The following ZC2HC1A variants were observed in gnomAD, a reference collection of about 807,000 sequenced individuals.
The protein encoded by ZC2HC1A is zinc finger C2HC-type containing 1A, also known as zinc finger C2HC domain-containing protein 1A.
In ZC2HC1A, 28 loss-of-function variants were observed where a neutral mutation model predicts 40.7. The observed-to-expected ratio is 0.69, with a 90% CI of 0.51 to 0.94. The LOEUF is 0.94. Among genes scored for constraint, ZC2HC1A ranks in the 40% least tolerant of loss-of-function variants. The pLI is 0.00. For synonymous variants in ZC2HC1A, 129 were observed against 129.2 expected (o/e 1.00, Z 0.01); for missense variants, 389 against 386.3 (o/e 1.01, Z -0.06).
chr8:78,687,582 G>A (rs959954433), intron 4 of ZC2HC1A, among the ~76,000 whole-genome samples: 7 of 131,296 alleles, frequency 5.3e-5, no homozygotes, highest in South Asian at 2.3e-4. Context: ...ATATATTTAC[G>A]TAATAAATTA....
intron 1 of ZC2HC1A, among the ~76,000 whole-genome samples, chr8:78,668,176 C>G (rs1176847547): frequency 2.0e-5 from 3 of 152,054 alleles, no homozygotes; most frequent in African/African-American, 7.2e-5. Context: ...CCTCTCCCTC[C>G]CCTAAGAGAT....
intron 3 of ZC2HC1A, 122 bp downstream of exon 3, chr8:78,678,801 A>G (rs1809669224): frequency 5.4e-6 from 3 of 558,308 alleles, no homozygotes; most frequent in South Asian, 8.5e-5. Context: ...AGATTAAAGA[A>G]TAAATACAAT....
intron 3 of ZC2HC1A, among the ~76,000 whole-genome samples, chr8:78,682,383 A>G (rs950463470): frequency 6.7e-6 from 1 of 149,524 alleles, no homozygotes; most frequent in Non-Finnish European, 1.5e-5. Context: ...AGGGACTTAA[A>G]CTTCCATGTG....
intron 1 of ZC2HC1A, among the ~76,000 whole-genome samples, chr8:78,671,401 G>C (rs1247357524): frequency 6.6e-6 from 1 of 152,114 alleles, no homozygotes; most frequent in Non-Finnish European, 1.5e-5. Context: ...TATTTCAACA[G>C]TATTTGCTCT....
chr8:78,697,347 T>C, intron 5 of ZC2HC1A, 60 bp from the exon 6 acceptor site: 1 of 1,350,308 alleles, frequency 7.4e-7, no homozygotes, highest in Non-Finnish European at 1.0e-6. Context: ...TTTGAACCAC[T>C]ACTTTACAAT....
intron 3 of ZC2HC1A, among the ~76,000 whole-genome samples, chr8:78,685,132 A>G (rs1183221231): frequency 6.6e-6 from 1 of 152,200 alleles, no homozygotes; most frequent in Non-Finnish European, 1.5e-5. Flanking sequence ...GGAATGGAAG[A>G]GAAAGTTCAG....
At chr8:78,700,053 A>G (rs575538673) in intron 7 of ZC2HC1A, among the ~76,000 whole-genome samples, 61 of 152,308 alleles carry the variant, frequency 4.0e-4, no homozygotes, top group Admixed American at 9.8e-4. Context: ...TGTCTTTCAC[A>G]GTGGCTGAAG....
intron 8 of ZC2HC1A, 21 bp from the exon 9 acceptor site, chr8:78,717,307 A>AC (rs1192276243): frequency 6.3e-7 from 1 of 1,596,854 alleles, no homozygotes; most frequent in African/African-American, 1.4e-5. Context: ...TTATCTTTTC[A>AC]TTGTTTCTTT....
intron 5 of ZC2HC1A, among the ~76,000 whole-genome samples, chr8:78,695,975 A>T (rs934380159): frequency 6.6e-6 from 1 of 152,136 alleles, no homozygotes. Context: ...CTTAAATTTT[A>T]TATTGATTAT....
chr8:78,705,198 C>T (rs952355953), intron 7 of ZC2HC1A, among the ~76,000 whole-genome samples: 2 of 152,210 alleles, frequency 1.3e-5, no homozygotes, highest in Non-Finnish European at 2.9e-5. Context: ...AGAGGGCACT[C>T]TGGCTTTTTA....
At chr8:78,676,089 C>T in intron 2 of ZC2HC1A, 1 of 355,446 alleles carries the variant, frequency 2.8e-6, no homozygotes, top group Non-Finnish European at 5.0e-6. Flanking sequence ...AAAGGTATTC[C>T]TCATTTTACG....
chr8:78,696,059 G>A (rs1044262366), intron 5 of ZC2HC1A, among the ~76,000 whole-genome samples: 17 of 150,472 alleles, frequency 1.1e-4, no homozygotes, highest in African/African-American at 1.2e-4. Context: ...TTTTTGAGAC[G>A]GAGTCTTGCT....
chr8:78,715,187 A>G (rs778294652), intron 7 of ZC2HC1A, 34 bp from the exon 8 acceptor site: 1 of 1,586,242 alleles, frequency 6.3e-7, no homozygotes, highest in Admixed American at 1.7e-5. Context: ...CTCACTGTTC[A>G]ATACTTTTCC....
At chr8:78,687,273 T>C (rs796940859) in intron 4 of ZC2HC1A, among the ~76,000 whole-genome samples, 2 of 151,950 alleles carry the variant, frequency 1.3e-5, no homozygotes, top group African/African-American at 2.4e-5. Context: ...TAATGCTATG[T>C]TAGTACTCTA....
chr8:78,716,033 C>G (rs1435335880), intron 8 of ZC2HC1A, among the ~76,000 whole-genome samples: 1 of 139,974 alleles, frequency 7.1e-6, no homozygotes, highest in African/African-American at 2.6e-5. Context: ...GAGCGAGACT[C>G]CATCTCAAAA....
intron 5 of ZC2HC1A, among the ~76,000 whole-genome samples, chr8:78,692,586 G>A (rs1370456824): frequency 6.6e-6 from 1 of 152,096 alleles, no homozygotes; most frequent in African/African-American, 2.4e-5. Flanking sequence ...GAGCAGTAAG[G>A]AGGTCTAAGT....
At chr8:78,708,335 T>A (rs1348622181) in intron 7 of ZC2HC1A, among the ~76,000 whole-genome samples, 1 of 152,146 alleles carries the variant, frequency 6.6e-6, no homozygotes, top group Non-Finnish European at 1.5e-5. Context: ...AGAGATTTAT[T>A]TTTACACTCA....
intron 5 of ZC2HC1A, among the ~76,000 whole-genome samples, chr8:78,691,751 A>T (rs139929281): frequency 0.013 from 1,910 of 152,208 alleles, 24 homozygotes; most frequent in Admixed American, 0.031. Flanking sequence ...TAAAAAATGC[A>T]TCTTTGACTT....
intron 1 of ZC2HC1A, among the ~76,000 whole-genome samples, chr8:78,666,926 AAAGG>A: frequency 6.6e-6 from 1 of 152,348 alleles, no homozygotes; most frequent in Non-Finnish European, 1.5e-5. Flanking sequence ...ACCTAAAAAC[AAAGG>A]AAGGACAAAA....
Sources: gnomAD v4.1 joint callset for allele counts (sites outside exome capture counted in the v4.1 genomes callset) on GRCh38, gnomAD v4.1.1 for gene constraint, MANE v1.5 for transcripts, NCBI Gene and HGNC (gene_info 2026-07-23, HGNC 2026-07-21) for gene names.